Variants in CAST observed in about 807,000 individuals in gnomAD.
CAST encodes MIR583 host.
CAST carries 76 observed loss-of-function variants against 119.6 expected under a neutral mutation model. The observed-to-expected ratio is 0.64, with a 90% CI of 0.53 to 0.77. The LOEUF (loss-of-function observed/expected upper bound fraction) is 0.77, where lower values mean the gene tolerates loss of function less well. Among genes scored for constraint, CAST ranks in the 30% least tolerant of loss-of-function variants. CAST has a pLI of 0.00. For synonymous variants in CAST, 319 were observed against 331.6 expected, an observed-to-expected ratio of 0.96 and a Z score of 0.41; for missense variants, 953 against 946.5, an observed-to-expected ratio of 1.01 and a Z score of -0.09.
At chr5:96,729,273 C>A (rs1759967230) in intron 7 of CAST, 64 bp downstream of exon 7, 1 of 920,464 alleles carries the variant, frequency 1.1e-6, no homozygotes, top group Non-Finnish European at 1.7e-6. Flanking sequence ...TAATTAAAAT[C>A]TTTCATTAAT....
chr5:96,315,272 G>A, the CAST span, among the ~76,000 whole-genome samples: 2 of 152,228 alleles, frequency 1.3e-5, no homozygotes, highest in South Asian at 2.1e-4. Flanking sequence ...TAATAAAAAA[G>A]TTTGTTGTTT....
chr5:96,442,051 T>C, the CAST span, among the ~76,000 whole-genome samples: 2 of 152,202 alleles, frequency 1.3e-5, no homozygotes, highest in Admixed American at 1.3e-4. Context: ...CACAGGCAAG[T>C]AAACTGAGTC....
At chr5:96,556,324 C>G (rs1056714921) in intron 1 of CAST, among the ~76,000 whole-genome samples, 2 of 152,228 alleles carry the variant, frequency 1.3e-5, no homozygotes, top group Non-Finnish European at 2.9e-5. Context: ...CAAAGGAATG[C>G]AGATCCTCAC....
At chr5:96,436,613 C>T in the CAST span, among the ~76,000 whole-genome samples, 1 of 152,214 alleles carries the variant, frequency 6.6e-6, no homozygotes, top group East Asian at 1.9e-4. Context: ...ATTTTCTTGA[C>T]ATATTTATCA....
At chr5:96,353,061 C>T in the CAST span, among the ~76,000 whole-genome samples, 1 of 152,130 alleles carries the variant, frequency 6.6e-6, no homozygotes, top group South Asian at 2.1e-4. Flanking sequence ...CTTACATGAG[C>T]ATGGTCAGGA....
the CAST span, chr5:96,433,178 C>T: frequency 1.2e-6 from 1 of 832,002 alleles, no homozygotes; most frequent in Non-Finnish European, 2.0e-6. Context: ...CTGCGAAGAG[C>T]TAGGAGGCGC....
chr5:95,990,940 A>G, the CAST span, among the ~76,000 whole-genome samples: 2 of 152,120 alleles, frequency 1.3e-5, no homozygotes, highest in Admixed American at 6.6e-5. Context: ...GCTTTTGTGA[A>G]AATATTTGTA....
At chr5:96,670,203 C>T (rs537127717) in intron 1 of CAST, among the ~76,000 whole-genome samples, 2 of 152,032 alleles carry the variant, frequency 1.3e-5, no homozygotes, top group East Asian at 1.9e-4. Flanking sequence ...ATGAAATTGT[C>T]GCCACATTGA....
At chr5:96,262,006 A>G in the CAST span, among the ~76,000 whole-genome samples, 2 of 152,236 alleles carry the variant, frequency 1.3e-5, no homozygotes, top group Non-Finnish European at 2.9e-5. Context: ...CAGAGAATCA[A>G]TTACCCAAGG....
the CAST span, among the ~76,000 whole-genome samples, chr5:96,341,901 T>A: frequency 2.6e-5 from 4 of 152,168 alleles, no homozygotes; most frequent in East Asian, 3.9e-4. Flanking sequence ...TTTCTCACAA[T>A]ATGATTTCGT....
the CAST span, among the ~76,000 whole-genome samples, chr5:96,006,481 T>A: frequency 6.6e-6 from 1 of 152,144 alleles, no homozygotes; most frequent in Non-Finnish European, 1.5e-5. Context: ...TAGGCCCAGG[T>A]TGTGTGCTGT....
chr5:96,138,141 C>T, the CAST span, among the ~76,000 whole-genome samples: 313 of 151,928 alleles, frequency 2.1e-3, 1 homozygote, highest in African/African-American at 7.3e-3. Flanking sequence ...AGTCTGGGAT[C>T]CAGTTGAATT....
intron 1 of CAST, among the ~76,000 whole-genome samples, chr5:96,550,446 C>T (rs926234587): frequency 1.3e-5 from 2 of 152,166 alleles, no homozygotes; most frequent in Non-Finnish European, 2.9e-5. Context: ...GATAAAACCA[C>T]AAAATGAGGA....
intron 3 of CAST, among the ~76,000 whole-genome samples, chr5:96,699,529 T>G (rs1753650330): frequency 6.6e-6 from 1 of 152,204 alleles, no homozygotes; most frequent in African/African-American, 2.4e-5. Context: ...CTGTCACATG[T>G]AGGACTGGGT....
the CAST span, among the ~76,000 whole-genome samples, chr5:96,187,111 T>A: frequency 6.6e-6 from 1 of 152,190 alleles, no homozygotes; most frequent in Non-Finnish European, 1.5e-5. Flanking sequence ...TATTCATTTC[T>A]TCTAGATTTT....
intron 1 of CAST, among the ~76,000 whole-genome samples, chr5:96,558,337 G>A (rs1478639975): frequency 1.3e-5 from 2 of 151,818 alleles, no homozygotes; most frequent in Non-Finnish European, 2.9e-5. Flanking sequence ...CTAGCAGAAG[G>A]CAAGAAATAA....
At chr5:96,349,490 T>G in the CAST span, among the ~76,000 whole-genome samples, 1 of 152,158 alleles carries the variant, frequency 6.6e-6, no homozygotes, top group South Asian at 2.1e-4. Context: ...GTCTTTCATA[T>G]GTATCAAGAG....
the CAST span, among the ~76,000 whole-genome samples, chr5:96,514,305 T>C: frequency 2.0e-5 from 3 of 152,296 alleles, no homozygotes; most frequent in East Asian, 5.8e-4. Flanking sequence ...GGTTATTCAT[T>C]TATGAGTGCT....
At chr5:96,249,033 A>G in the CAST span, among the ~76,000 whole-genome samples, 1 of 152,174 alleles carries the variant, frequency 6.6e-6, no homozygotes, top group Admixed American at 6.5e-5. Context: ...ATAATCCCTC[A>G]CTAGGGACTA....
Sources: allele counts gnomAD v4.1 joint callset (sites outside exome capture counted in the v4.1 genomes callset), GRCh38; gene constraint gnomAD v4.1.1; transcripts MANE v1.5; gene names NCBI Gene and HGNC (gene_info 2026-07-23, HGNC 2026-07-21).